STRN3: variants seen among roughly 807,000 people sequenced by gnomAD.
The protein encoded by STRN3 is striatin 3.
In STRN3, 29 loss-of-function variants were observed where a neutral mutation model predicts 95.6. The ratio of observed to expected loss-of-function variants is 0.30; its 90% CI spans 0.23 to 0.41. The LOEUF (loss-of-function observed/expected upper bound fraction) is 0.41. Among genes scored for constraint, STRN3 ranks in the 10% least tolerant of loss-of-function variants. STRN3 has a pLI of 1.00. For missense variants in STRN3, 890 were observed against 972.1 expected (o/e 0.92, Z 1.12); for synonymous variants, 331 against 357.6 (o/e 0.93, Z 0.84).
chr14:30,973,325 C>G (rs1468729446), intron 1 of STRN3, among the ~76,000 whole-genome samples: 1 of 146,474 alleles, frequency 6.8e-6, no homozygotes, highest in African/African-American at 2.5e-5. Context: ...AACTGACAAC[C>G]CTTTAGGTGG....
intron 1 of STRN3, among the ~76,000 whole-genome samples, chr14:30,965,474 G>GC (rs1367180829): frequency 6.6e-6 from 1 of 151,896 alleles, no homozygotes; most frequent in Non-Finnish European, 1.5e-5. Flanking sequence ...GTCACTTGAG[G>GC]CCAGGAGTTC....
intron 1 of STRN3, among the ~76,000 whole-genome samples, chr14:30,956,567 T>TCAAA (rs569148660): frequency 9.3e-4 from 141 of 152,194 alleles, no homozygotes; most frequent in African/African-American, 3.1e-3. Flanking sequence ...AGACTCTGTC[T>TCAAA]CAAACAAACA....
intron 1 of STRN3, among the ~76,000 whole-genome samples, chr14:31,020,227 A>C (rs907817496): frequency 6.6e-6 from 1 of 152,130 alleles, no homozygotes; most frequent in African/African-American, 2.4e-5. Flanking sequence ...GGTCAGGCGC[A>C]GTGGCTCATG....
intron 16 of STRN3, among the ~76,000 whole-genome samples, chr14:30,901,298 A>G (rs1896307813): frequency 6.6e-6 from 1 of 151,766 alleles, no homozygotes; most frequent in South Asian, 2.1e-4. Flanking sequence ...AAAAATTTAA[A>G]TATTTTTTTT....
In STRN3 at chr14:31,026,107, T is replaced by G. The variant is rs1390513314; in HGVS notation, c.79A>C (p.Asn27His). 14 of 1,510,718 alleles carry G rather than the reference T, an allele frequency of 9.3e-6. No homozygotes were observed. The highest frequency in any genetic ancestry group is 1.2e-5 in the Non-Finnish European group (14 of 1,133,792). 93.6% of individuals were successfully genotyped at this position (1,510,718 alleles called of 1,614,324 possible). A position where few individuals can be genotyped will look rare whatever the true frequency, so the allele number is the denominator to read the frequency against. Residue 27 changes from asparagine (N) to histidine (H), a missense_variant, in exon 1 of 18, where the codon AAC becomes CAC. By Grantham distance (68) the Asn-to-His change is moderately conservative. Coordinates refer to ENST00000357479, the MANE Select transcript of STRN3 (RefSeq NM_001083893.2). The stretch of plus-strand genomic sequence containing the variant: ...TTCCCCCCGGGCGAAAGGCCCAGGT[T>G]CCCCCCAGGTCCCTGCTGCTGCCGG... ...PPRQQQGPGG[N>H]LGLSPGGNGA...
At chr14:30,973,059 A>C (rs1880912255) in intron 1 of STRN3, among the ~76,000 whole-genome samples, 2 of 152,100 alleles carry the variant, frequency 1.3e-5, no homozygotes, top group Admixed American at 6.5e-5. Context: ...AAATACAAAA[A>C]TCAGCCAGGT....
chr14:31,006,110 C>A (rs1882698344), intron 1 of STRN3, among the ~76,000 whole-genome samples: 2 of 130,816 alleles, frequency 1.5e-5, no homozygotes, highest in African/African-American at 2.8e-5. Context: ...CAGAGCGAGA[C>A]TCTGTCTCAA....
chr14:31,023,005 G>A (rs1022827993), intron 1 of STRN3, among the ~76,000 whole-genome samples: 7 of 152,010 alleles, frequency 4.6e-5, no homozygotes, highest in Non-Finnish European at 8.8e-5. Flanking sequence ...CCATTTTCAG[G>A]GTTTTCAAAA....
chr14:30,908,011 A>G (rs1334067709), intron 13 of STRN3, among the ~76,000 whole-genome samples: 2 of 152,142 alleles, frequency 1.3e-5, no homozygotes, highest in Non-Finnish European at 2.9e-5. Context: ...CATGTTTCTT[A>G]TCCCCCATCT....
At chr14:31,018,784 G>A in intron 1 of STRN3, 1 of 466,350 alleles carries the variant, frequency 2.1e-6, no homozygotes, top group Admixed American at 2.4e-5. Flanking sequence ...GCAGAGAGAA[G>A]CTCAACAACT....
chr14:30,968,083 A>G (rs1880624462), intron 1 of STRN3, among the ~76,000 whole-genome samples: 1 of 152,178 alleles, frequency 6.6e-6, no homozygotes, highest in Admixed American at 6.5e-5. Flanking sequence ...ATCTATACCA[A>G]TTCTAAGTTA....
chr14:30,950,767 A>T, intron 4 of STRN3, 96 bp downstream of exon 4: 1 of 1,164,120 alleles, frequency 8.6e-7, no homozygotes, highest in Non-Finnish European at 1.2e-6. Flanking sequence ...AAACATACAC[A>T]TTGTCCCAAT....
At position 31,026,132 on chromosome 14, in the gene STRN3, G is replaced by T. The variant is rs1236429559; in HGVS notation, c.54C>A (p.Pro18=). ...GGGGPGMAAP[P]RQQQGPGGNL... ...TCCCCCCAGGTCCCTGCTGCTGCCG[G>T]GGAGGGGCCGCCATCCCCGGGCCGC... is the stretch of plus-strand genomic sequence containing the variant. The change falls in exon 1 of 18, where the codon CCC becomes CCA. Residue 18 remains proline (P), a synonymous_variant. Transcript: ENST00000357479. 1 of 1,498,212 alleles carries T rather than the reference G, an allele frequency of 6.7e-7. No individual in the cohort carries two copies. The highest frequency in any genetic ancestry group is 1.3e-5 in the South Asian group (1 of 79,606). 92.8% of individuals were successfully genotyped at this position (1,498,212 alleles called of 1,614,324 possible).
chr14:30,913,809 G>A (rs1896667232), intron 9 of STRN3, 152 bp from the exon 10 acceptor site: 1 of 939,064 alleles, frequency 1.1e-6, no homozygotes, highest in South Asian at 2.1e-5. Flanking sequence ...CTGTTACTAA[G>A]CAGTGTTAAA....
intron 8 of STRN3, among the ~76,000 whole-genome samples, chr14:30,922,840 C>T (rs570186857): frequency 6.2e-5 from 7 of 112,844 alleles, no homozygotes; most frequent in African/African-American, 2.2e-4. Context: ...AGTGACTCTT[C>T]GGTTTTAAAA....
chr14:30,935,720 T>A (rs576626887), intron 6 of STRN3, among the ~76,000 whole-genome samples: 1 of 152,318 alleles, frequency 6.6e-6, no homozygotes, highest in East Asian at 1.9e-4. Flanking sequence ...CTGTGATAAT[T>A]ATAATAGTGC....
intron 16 of STRN3, among the ~76,000 whole-genome samples, chr14:30,898,665 T>C (rs1199947827): frequency 6.6e-6 from 1 of 152,192 alleles, no homozygotes; most frequent in African/African-American, 2.4e-5. Flanking sequence ...GGACCTCTCC[T>C]TCACTAACAT....
intron 13 of STRN3, among the ~76,000 whole-genome samples, chr14:30,910,241 G>A (rs1186471389): frequency 6.6e-6 from 1 of 152,126 alleles, no homozygotes; most frequent in Non-Finnish European, 1.5e-5. Context: ...AGAAGGTTCT[G>A]CCTGTTACGC....
chr14:30,991,308 A>C (rs1271657179), intron 1 of STRN3, among the ~76,000 whole-genome samples: 1 of 152,150 alleles, frequency 6.6e-6, no homozygotes, highest in Non-Finnish European at 1.5e-5. Context: ...GAGAAACACA[A>C]ATTTGTTGAA....
Sources: gnomAD v4.1 joint callset for allele counts (sites outside exome capture counted in the v4.1 genomes callset) on GRCh38, gnomAD v4.1.1 for gene constraint, MANE v1.5 for transcripts, NCBI Gene and HGNC (gene_info 2026-07-23, HGNC 2026-07-21) for gene names.